The following CYP26B1 variants were observed in gnomAD, a reference collection of about 807,000 sequenced individuals.
CYP26B1 encodes cytochrome P450 family 26 subfamily B member 1.
A neutral mutation model predicts 39.1 loss-of-function variants in CYP26B1; 8 were observed. The ratio of observed to expected loss-of-function variants is 0.20; its 90% CI spans 0.12 to 0.37. The LOEUF is 0.37. Ranked by LOEUF, CYP26B1 falls within the 10% of genes least tolerant of loss-of-function variation. CYP26B1 has a pLI of 1.00. For missense variants in CYP26B1, 615 were observed against 707.0 expected, an observed-to-expected ratio of 0.87 and a Z score of 1.48; for synonymous variants, 321 against 314.3, an observed-to-expected ratio of 1.02 and a Z score of -0.23.
At chr2:72,143,850 G>A (rs1677031814) in intron 2 of CYP26B1, 139 bp downstream of exon 2, 5 of 1,068,626 alleles carry the variant, frequency 4.7e-6, no homozygotes, top group Non-Finnish European at 5.6e-6. Flanking sequence ...AGGCCTTGTC[G>A]GCGGGGAACT....
chr2:72,147,760 C>T lies in CYP26B1; in HGVS notation c.75G>A (p.Leu25=), dbSNP rs1409893529. The T allele has an allele frequency of 1.3e-6, 2 of 1,583,554 alleles. No individual in the cohort carries two copies. The highest frequency in any genetic ancestry group is 1.7e-6 in the Non-Finnish European group (2 of 1,165,960). Residue 25 remains leucine (L), a synonymous_variant, in exon 1 of 6, where the codon CTG becomes CTA. Coordinates refer to ENST00000001146, the MANE Select transcript of CYP26B1 (RefSeq NM_019885.4). The surrounding 1 kb of genome is among the most constrained non-coding windows in gnomAD (Gnocchi z 6.1). ...LAACLVSVTL[L]LAVSQQLWQL... ...GCCACAGCTGCTGCGACACGGCCAG[C>T]AGCAGCGTCACGGACACCAGGCACG...
chr2:72,134,102 C>T (rs1676682549), intron 4 of CYP26B1, among the ~76,000 whole-genome samples: 2 of 152,210 alleles, frequency 1.3e-5, no homozygotes, highest in Admixed American at 6.5e-5. Flanking sequence ...CTTCCTAGCT[C>T]CCCAGGAAAG....
In CYP26B1 at chr2:72,135,324, G is replaced by T. The variant is rs757787561; in HGVS notation, c.525C>A (p.His175Gln). 6.8e-6 allele frequency: 11 copies of T among 1,614,044 alleles called. No homozygotes were observed. In the East Asian group the frequency reaches 2.0e-4, roughly 29 times the overall value. The change falls in exon 3 of 6, where the codon CAC becomes CAA. Residue 175 changes from histidine to glutamine, a missense_variant. Physicochemically the swap from His to Gln is conservative, Grantham distance 24 (BLOSUM62 0). Transcript: ENST00000001146. ...IQDTLRAWSSHPEAINVYQEA... is the reference protein window; with the variant it reads ...IQDTLRAWSSQPEAINVYQEA... ...CCTGGTACACGTTGATGGCCTCGGG[G>T]TGGCTGCTCCAGGCGCGCAGTGTGT...
chr2:72,147,513 G>A lies in CYP26B1; in HGVS notation c.204+118C>T. On this transcript the variant is annotated intron_variant, in intron 1 of 5. Coordinates refer to ENST00000001146, the MANE Select transcript of CYP26B1 (RefSeq NM_019885.4). This position sits in a 1 kb window ranked among gnomAD's most constrained non-coding sequence, Gnocchi z 6.1. Reference sequence around the variant, plus strand: ...TGCTGCGGCAGAGAGGAGGGAAGGGGCGGGGCGGGGACCAGTGCCTTCAGG... The same window carrying A: ...TGCTGCGGCAGAGAGGAGGGAAGGGACGGGGCGGGGACCAGTGCCTTCAGG... The A allele has an allele frequency of 2.0e-6, 2 of 1,023,508 alleles. No homozygotes were observed. Among genetic ancestry groups the A allele is most frequent in the Non-Finnish European group, 2.7e-6 (2 of 743,354 alleles). The allele number at this position is 1,023,508 out of a possible 1,614,324, so 63.4% of individuals were successfully genotyped here.
chr2:72,144,145 C>T lies in CYP26B1; in HGVS notation c.273G>A (p.Arg91=), dbSNP rs2104095476. Residue 91 remains arginine (R), a synonymous_variant, in exon 2 of 6, where the codon CGG becomes CGA. Coordinates refer to ENST00000001146, the MANE Select transcript of CYP26B1 (RefSeq NM_019885.4). The part of the protein sequence containing the change: ...GNVFKTHLLG[R]PLIRVTGAEN... ...CCGCGCCGGTCACGCGTATCAGCGG[C>T]CGCCCCAACAAATGCGTCTTGAACA... 6.2e-7 allele frequency: 1 copy of T among 1,611,222 alleles called. No individual in the cohort carries two copies. The highest frequency in any genetic ancestry group is 2.2e-5 in the East Asian group (1 of 44,740).
intron 3 of CYP26B1, 65 bp downstream of exon 3, chr2:72,135,079 C>G (rs912670979): frequency 6.2e-7 from 1 of 1,608,518 alleles, no homozygotes; most frequent in Non-Finnish European, 8.5e-7. Context: ...AGGTCAGCCA[C>G]CCACCCCCAG....
chr2:72,145,982 C>G (rs1677112636), intron 1 of CYP26B1, among the ~76,000 whole-genome samples: 1 of 152,198 alleles, frequency 6.6e-6, no homozygotes, highest in Non-Finnish European at 1.5e-5. Context: ...AGAGGGCTCT[C>G]ATTAACCCCT....
At chr2:72,145,414 G>C (rs552372066) in intron 1 of CYP26B1, among the ~76,000 whole-genome samples, 2 of 152,236 alleles carry the variant, frequency 1.3e-5, no homozygotes, top group East Asian at 1.9e-4. Flanking sequence ...CAGCCAGGAG[G>C]GGGGCTGGGC....
chr2:72,139,792 G>A (rs564446102), intron 2 of CYP26B1, among the ~76,000 whole-genome samples: 24 of 152,358 alleles, frequency 1.6e-4, no homozygotes, highest in African/African-American at 5.5e-4. Flanking sequence ...AGCGTGGCTG[G>A]CCACACCCAC....
chr2:72,143,119 A>C (rs944968870), intron 2 of CYP26B1: 1 of 166,390 alleles, frequency 6.0e-6, no homozygotes, highest in African/African-American at 2.4e-5. Flanking sequence ...TAGGTTTCAA[A>C]CCTGGGTGAG....
At chr2:72,146,532 C>A (rs1007117848) in intron 1 of CYP26B1, among the ~76,000 whole-genome samples, 1 of 152,232 alleles carries the variant, frequency 6.6e-6, no homozygotes, top group Non-Finnish European at 1.5e-5. Context: ...AGGGTGAGTG[C>A]GTGTGTGCGC....
Position 72,132,411 on chromosome 2 carries a change from T to A in CYP26B1, c.1355A>T (p.Lys452Met). The A allele has an allele frequency of 6.2e-7, 1 of 1,612,588 alleles. No homozygotes were observed. Among genetic ancestry groups the A allele is most frequent in the Non-Finnish European group, 8.5e-7 (1 of 1,179,128 alleles). Residue 452 changes from lysine (K) to methionine (M), a missense_variant, in exon 6 of 6, where the codon AAG becomes ATG. Lys to Met is a moderately conservative substitution (Grantham distance 95). Coordinates refer to ENST00000001146, the MANE Select transcript of CYP26B1 (RefSeq NM_019885.4). ...GCTAGCCAGCTCCACCGCCAGCACC[T>A]TCAGGAACAGCTTGGCCAGGTGCTT... ...LGKHLAKLFL[K>M]VLAVELASTS...
intron 1 of CYP26B1, chr2:72,144,432 A>T (rs1677056740): frequency 7.4e-7 from 1 of 1,355,092 alleles, no homozygotes; most frequent in African/African-American, 1.5e-5. Flanking sequence ...GCGGAGGCCC[A>T]GGGGCACCCC....
rs778463797 is a variant in CYP26B1, at chr2:72,135,268, A to C, written c.581T>G (p.Ile194Ser). The change falls in exon 3 of 6, where the codon ATC becomes AGC. Residue 194 changes from isoleucine (I) to serine (S), a missense_variant. Ile to Ser is a moderately radical substitution (Grantham distance 142). Transcript: ENST00000001146. ...EAQKLTFRMA[I>S]RVLLGFSIPE... Reference sequence around the variant, plus strand: ...GATGCTGAAGCCCAGCAGCACCCGGATGGCCATGCGGAAGGTCAGCTTCTG... The same window carrying C: ...GATGCTGAAGCCCAGCAGCACCCGGCTGGCCATGCGGAAGGTCAGCTTCTG... The C allele has an allele frequency of 1.2e-6, 2 of 1,613,978 alleles. No individual in the cohort carries two copies. The highest frequency in any genetic ancestry group is 1.7e-6 in the Non-Finnish European group (2 of 1,180,040).
At position 72,147,535 on chromosome 2, in the gene CYP26B1, C is replaced by A; in HGVS notation, c.204+96G>T. On this transcript the variant is annotated intron_variant, in intron 1 of 5. Transcript: ENST00000001146. The surrounding 1 kb of genome is among the most constrained non-coding windows in gnomAD (Gnocchi z 6.1). ...GGGGCGGGGCGGGGACCAGTGCCTT[C>A]AGGCTCCCGGCGCCCCCTGGCCGGC... 3.1e-6 allele frequency: 4 copies of A among 1,296,426 alleles called. No homozygotes were observed. The South Asian group carries it at 6.0e-5, about 19-fold the overall frequency. The allele number at this position is 1,296,426 out of a possible 1,614,324, so 80.3% of individuals were successfully genotyped here. A position where few individuals can be genotyped will look rare whatever the true frequency, so the allele number is the denominator to read the frequency against.
At chr2:72,135,469 T>C in intron 2 of CYP26B1, 50 bp from the exon 3 acceptor site, 1 of 1,599,012 alleles carries the variant, frequency 6.3e-7, no homozygotes, top group Non-Finnish European at 8.5e-7. Context: ...AGCCCACCCC[T>C]GGCCAGCCCC....
intron 1 of CYP26B1, among the ~76,000 whole-genome samples, chr2:72,146,471 G>A (rs1459632770): frequency 1.3e-5 from 2 of 152,216 alleles, no homozygotes; most frequent in African/African-American, 4.8e-5. Flanking sequence ...CAGGGCAGAG[G>A]AACTTCGAAC....
In CYP26B1 at chr2:72,132,509, C is replaced by T. The variant is rs779832566; in HGVS notation, c.1257G>A (p.Gln419=). 1.2e-5 allele frequency: 19 copies of T among 1,611,836 alleles called. No individual in the cohort carries two copies. The highest frequency in any genetic ancestry group is 1.5e-5 in the Non-Finnish European group (18 of 1,178,676). ...VNVFDPDRFS[Q]ARSEDKDGRF... is the part of the protein sequence containing the mutation. ...GGCCATCCTTGTCCTCGCTCCGCGCCTGGCTGAAGCGATCGGGGTCGAACA... is the reference window on the plus strand; with the variant it reads ...GGCCATCCTTGTCCTCGCTCCGCGCTTGGCTGAAGCGATCGGGGTCGAACA... The change falls in exon 6 of 6, where the codon CAG becomes CAA. Residue 419 remains glutamine, a synonymous_variant. Transcript: ENST00000001146.
At position 72,131,930 on chromosome 2, in the gene CYP26B1, A is replaced by T; in HGVS notation, c.*297T>A. On this transcript the variant is annotated 3_prime_UTR_variant, in exon 6 of 6. Coordinates refer to ENST00000001146, the MANE Select transcript of CYP26B1 (RefSeq NM_019885.4). Reference sequence around the variant, plus strand: ...CAGAACATCACAAAAACACTGTAGCACGCGCTGACACCTAACACTGTCACG... The same window carrying T: ...CAGAACATCACAAAAACACTGTAGCTCGCGCTGACACCTAACACTGTCACG... 2.1e-6 allele frequency: 1 copy of T among 485,944 alleles called. No homozygotes were observed. The allele number at this position is 485,944 out of a possible 1,614,324, so 30.1% of individuals were successfully genotyped here.
Sources: allele counts gnomAD v4.1 joint callset (sites outside exome capture counted in the v4.1 genomes callset), GRCh38; gene constraint gnomAD v4.1.1; non-coding constraint Gnocchi (gnomAD v3.1); transcripts MANE v1.5; gene names NCBI Gene and HGNC (gene_info 2026-07-23, HGNC 2026-07-21).